BTD: variants seen among roughly 807,000 people sequenced by gnomAD.
BTD encodes biocytinase.
In BTD, 13 loss-of-function variants were observed where a neutral mutation model predicts 17.7. The observed-to-expected ratio is 0.74, with a 90% CI of 0.48 to 1.17. BTD has a LOEUF of 1.17. Ranked by LOEUF, BTD falls within the 50% of genes most tolerant of loss-of-function variation. The probability of loss-of-function intolerance (pLI) is 0.00; values close to 1 mark genes in which losing one functional copy is unlikely to be tolerated. For synonymous variants in BTD, 240 were observed against 245.2 expected (o/e 0.98, Z 0.20); for missense variants, 674 against 650.4 (o/e 1.04, Z -0.39).
chr3:15,610,888 G>T (rs1418514072), intron 1 of BTD, among the ~76,000 whole-genome samples: 1 of 149,016 alleles, frequency 6.7e-6, no homozygotes, highest in Non-Finnish European at 1.5e-5. Flanking sequence ...AAAAAACAAA[G>T]AAGTGATGAG....
chr3:15,670,147 A>T, intron 3 of BTD: 1 of 1,110,886 alleles, frequency 9.0e-7, no homozygotes, highest in Non-Finnish European at 1.3e-6. Context: ...CAGATCTCTT[A>T]ACATTGGCTC....
chr3:15,635,504 C>G lies in BTD; in HGVS notation c.65C>G (p.Ala22Gly). ...LCGCYVVALG[A>G]HTGEESVADH... ...GGCTGTTACGTGGTTGCCCTGGGAG[C>G]CCACACCGGGGAGGAGAGCGTGGCT... Residue 22 changes from alanine to glycine, a missense_variant, in exon 2 of 4, where the codon GCC (alanine) becomes GGC (glycine). Ala to Gly is a moderately conservative substitution (Grantham distance 60). Coordinates refer to ENST00000643237, the MANE Select transcript of BTD (RefSeq NM_001370658.1). The surrounding 1 kb of genome is among the most constrained non-coding windows in gnomAD (Gnocchi z 4.1). 1 of 1,614,182 alleles carries G rather than the reference C, an allele frequency of 6.2e-7. No individual in the cohort carries two copies. Among genetic ancestry groups the G allele is most frequent in the Non-Finnish European group, 8.5e-7 (1 of 1,180,024 alleles).
chr3:15,692,964 G>A (rs1254406120), intron 3 of BTD, among the ~76,000 whole-genome samples: 2 of 152,076 alleles, frequency 1.3e-5, no homozygotes, highest in Non-Finnish European at 2.9e-5. Context: ...CTACAACATG[G>A]ATGAAACCTG....
chr3:15,642,157 C>A (rs993461106), intron 3 of BTD, 100 bp downstream of exon 3: 28 of 1,548,444 alleles, frequency 1.8e-5, no homozygotes, highest in Non-Finnish European at 2.3e-5. Context: ...GATAGGAGAC[C>A]TTAACATCCC....
At chr3:15,664,678 C>G (rs1042624942) in intron 3 of BTD, among the ~76,000 whole-genome samples, 2 of 151,750 alleles carry the variant, frequency 1.3e-5, no homozygotes, top group African/African-American at 2.4e-5. Context: ...GCTTTTTGAC[C>G]ATTTGGGCTT....
chr3:15,644,062 G>A (rs928141632), intron 3 of BTD, among the ~76,000 whole-genome samples: 7 of 151,414 alleles, frequency 4.6e-5, no homozygotes, highest in East Asian at 3.9e-4. Flanking sequence ...GTGCAGTGGC[G>A]CGATCTCGGC....
At chr3:15,680,686 G>C (rs2067446823) in intron 3 of BTD, among the ~76,000 whole-genome samples, 1 of 151,966 alleles carries the variant, frequency 6.6e-6, no homozygotes, top group African/African-American at 2.4e-5. Flanking sequence ...AATTTTTTGA[G>C]ACAGGGTCTT....
chr3:15,642,454 C>CT (rs34597886), intron 3 of BTD, among the ~76,000 whole-genome samples: 14,061 of 135,734 alleles, frequency 0.1, 1,030 homozygotes, highest in Admixed American at 0.17. Context: ...TTGACATCCT[C>CT]TTTTTTTTTT....
At position 15,649,327 on chromosome 3, in the gene BTD, C is replaced by G. The variant is rs958221946; in HGVS notation, c.*3839C>G. 4.6e-5 allele frequency among the ~76,000 whole-genome samples: 7 copies of G among 152,224 alleles called. No individual in the cohort carries two copies. The highest frequency in any genetic ancestry group is 8.8e-5 in the Non-Finnish European group (6 of 68,032). ...CATGATGTCTTTTATTAACTAGTCT[C>G]AGAAGTCACACTGCATCATTTGGCA... On this transcript the variant is annotated 3_prime_UTR_variant, in exon 4 of 4. Transcript: ENST00000643237.
In BTD at chr3:15,601,863, C is replaced by A; in HGVS notation, c.-48C>A. ...CTGTAAAGGGAGAATGGCGCATGCG[C>A]ATATTCAGGGCGGAAGGCGCGCTAA... On this transcript the variant is annotated 5_prime_UTR_variant, in exon 1 of 4. Transcript: ENST00000643237. 1 of 1,614,188 alleles carries A rather than the reference C, an allele frequency of 6.2e-7. No homozygotes were observed. Among genetic ancestry groups the A allele is most frequent in the Non-Finnish European group, 8.5e-7 (1 of 1,180,044 alleles).
At position 15,651,513 on chromosome 3, in the gene BTD, G is replaced by T. The variant is rs1330048173; in HGVS notation, c.*6025G>T. Among the ~76,000 whole-genome samples the T allele has an allele frequency of 1.3e-5, 2 of 152,216 alleles. No homozygotes were observed. Among genetic ancestry groups the T allele is most frequent in the Non-Finnish European group, 2.9e-5 (2 of 68,034 alleles). Reference sequence around the variant, plus strand: ...GAAATGGTTACCAGAAGCAGGAGAGGGAAGCTTATGGAGAGAGCAGGCTGG... The same window carrying T: ...GAAATGGTTACCAGAAGCAGGAGAGTGAAGCTTATGGAGAGAGCAGGCTGG... On this transcript the variant is annotated 3_prime_UTR_variant, in exon 4 of 4. Transcript: ENST00000643237.
intron 3 of BTD, among the ~76,000 whole-genome samples, chr3:15,700,920 C>T (rs1453784606): frequency 2.0e-5 from 3 of 152,068 alleles, no homozygotes; most frequent in Admixed American, 6.6e-5. Context: ...CATGGAGAAG[C>T]CAGCTAAATA....
chr3:15,677,643 G>A, intron 3 of BTD: 4 of 1,056,544 alleles, frequency 3.8e-6, no homozygotes, highest in Admixed American at 4.9e-5. Context: ...GAGAAATGAA[G>A]ATACAAAGCA....
At chr3:15,672,010 A>T (rs2066419318) in intron 3 of BTD, among the ~76,000 whole-genome samples, 1 of 151,882 alleles carries the variant, frequency 6.6e-6, no homozygotes, top group Admixed American at 6.6e-5. Flanking sequence ...TAGTTGGTTC[A>T]TTTTCATTGT....
chr3:15,607,557 G>A (rs897996149), intron 1 of BTD, among the ~76,000 whole-genome samples: 12 of 152,152 alleles, frequency 7.9e-5, no homozygotes, highest in South Asian at 2.1e-4. Flanking sequence ...TTTAATTTCC[G>A]TATACTAACA....
chr3:15,708,473 G>A (rs747269801), intron 3 of BTD, among the ~76,000 whole-genome samples: 19 of 151,784 alleles, frequency 1.3e-4, no homozygotes, highest in Non-Finnish European at 2.5e-4. Flanking sequence ...AGAACAAAAG[G>A]TAAGAGAAAA....
At chr3:15,680,965 C>T (rs754702658) in intron 3 of BTD, among the ~76,000 whole-genome samples, 2 of 152,176 alleles carry the variant, frequency 1.3e-5, no homozygotes, top group Non-Finnish European at 2.9e-5. Flanking sequence ...CCACGGCCAA[C>T]ATTTTGTTTT....
chr3:15,604,328 T>C (rs2174267), intron 1 of BTD, among the ~76,000 whole-genome samples: 95,806 of 152,212 alleles, frequency 0.63, 31,700 homozygotes, highest in African/African-American at 0.85. Flanking sequence ...AGGCTTGCAC[T>C]GTCTGAAGCC....
intron 3 of BTD, chr3:15,679,608 C>T (rs903191391): frequency 1.3e-6 from 2 of 1,487,052 alleles, no homozygotes; most frequent in African/African-American, 1.4e-5. Context: ...AAAGGAGATA[C>T]TGGCAAAAAT....
Sources: allele counts gnomAD v4.1 joint callset (sites outside exome capture counted in the v4.1 genomes callset), GRCh38; gene constraint gnomAD v4.1.1; non-coding constraint Gnocchi (gnomAD v3.1); transcripts MANE v1.5; gene names NCBI Gene and HGNC (gene_info 2026-07-23, HGNC 2026-07-21).